Variants in RBFOX1 observed in about 807,000 individuals in gnomAD.
RBFOX1 encodes the protein RNA binding fox-1 homolog 1.
RBFOX1 carries 8 observed loss-of-function variants against 57.7 expected under a neutral mutation model. That is an observed-to-expected ratio of 0.14 (90% CI 0.08 to 0.25). The LOEUF is 0.25. Among genes scored for constraint, RBFOX1 ranks in the 10% least tolerant of loss-of-function variants. The pLI, the probability that RBFOX1 is intolerant of heterozygous loss-of-function variation, is 1.00. For missense variants in RBFOX1, 611 were observed against 548.5 expected, an observed-to-expected ratio of 1.11 and a Z score of -1.14; for synonymous variants, 326 against 222.4, an observed-to-expected ratio of 1.47 and a Z score of -4.15.
chr16:6,519,794 T>A (rs1032743869), intron 2 of RBFOX1, among the ~76,000 whole-genome samples: 1 of 152,204 alleles, frequency 6.6e-6, no homozygotes, highest in Non-Finnish European at 1.5e-5. Context: ...GTAGACACTT[T>A]CTTATTTAGT....
At chr16:6,713,128 A>C (rs2064040738) in intron 3 of RBFOX1, among the ~76,000 whole-genome samples, 1 of 151,944 alleles carries the variant, frequency 6.6e-6, no homozygotes. Flanking sequence ...GGTATTTCTT[A>C]CAGCAGTGTG....
At chr16:5,531,800 GTC>G (rs1165709461) in intron 2 of RBFOX1, among the ~76,000 whole-genome samples, 2 of 118,548 alleles carry the variant, frequency 1.7e-5, no homozygotes, top group South Asian at 3.4e-4. Flanking sequence ...ATGTCAAGAG[GTC>G]TTTTTTTTTT....
chr16:6,823,850 C>A (rs1232325825), intron 3 of RBFOX1, among the ~76,000 whole-genome samples: 2 of 152,086 alleles, frequency 1.3e-5, no homozygotes, highest in Admixed American at 6.6e-5. Flanking sequence ...ATAGAGGGCT[C>A]TGTGCTGTGG....
intron 1 of RBFOX1, among the ~76,000 whole-genome samples, chr16:6,253,591 A>G (rs2097639570): frequency 7.4e-6 from 1 of 134,956 alleles, no homozygotes; most frequent in East Asian, 2.5e-4. Context: ...ATGGTTGATG[A>G]TAGATAGATA....
chr16:7,431,560 T>C (rs1020282973), intron 4 of RBFOX1, among the ~76,000 whole-genome samples: 1 of 152,232 alleles, frequency 6.6e-6, no homozygotes, highest in Non-Finnish European at 1.5e-5. Flanking sequence ...ATATGTCTTT[T>C]ATTTTTAAAA....
Position 6,996,677 on chromosome 16 carries a change from G to C in RBFOX1, c.-15-55380G>C, listed in dbSNP as rs562863860. 7.9e-5 allele frequency among the ~76,000 whole-genome samples: 12 copies of C among 152,332 alleles called. No homozygotes were observed. In the South Asian group the frequency reaches 1.2e-3, roughly 16 times the overall value. On this transcript the variant is annotated intron_variant, in intron 3 of 15. Coordinates refer to ENST00000550418, the MANE Select transcript of RBFOX1 (RefSeq NM_018723.4). ...TAGTTTGTCTGAGGTCACAGAGGTAGTAAGTGGCAGGATTGGGATTCAATT... is the reference window on the plus strand; with the variant it reads ...TAGTTTGTCTGAGGTCACAGAGGTACTAAGTGGCAGGATTGGGATTCAATT...
rs1026582816 is a variant in RBFOX1, at chr16:6,019,362, A to G, written c.-757A>G. 3 of 984,972 alleles carry G rather than the reference A, an allele frequency of 3.0e-6. No homozygotes were observed. The highest frequency in any genetic ancestry group is 6.2e-5 in the Admixed American group (1 of 16,248). 61.0% of individuals were successfully genotyped at this position (984,972 alleles called of 1,614,324 possible). ...GCCTCCTCCAGCCAGAGTCGGTGGG[A>G]CTGGCTGCGCTGCCCTGAAGTGGTT... On this transcript the variant is annotated 5_prime_UTR_variant, in exon 1 of 16. Coordinates refer to ENST00000550418, the MANE Select transcript of RBFOX1 (RefSeq NM_018723.4). This position sits in a 1 kb window ranked among gnomAD's most constrained non-coding sequence, Gnocchi z 4.2.
intron 3 of RBFOX1, among the ~76,000 whole-genome samples, chr16:6,900,443 T>A (rs1487340531): frequency 1.3e-5 from 2 of 152,200 alleles, no homozygotes; most frequent in African/African-American, 4.8e-5. Context: ...CTCTCCCACT[T>A]AAAACTGTTT....
chr16:6,911,045 A>G (rs1262468792), intron 3 of RBFOX1, among the ~76,000 whole-genome samples: 3 of 152,152 alleles, frequency 2.0e-5, no homozygotes, highest in East Asian at 3.9e-4. Flanking sequence ...TACCAAAAAT[A>G]CAAAAATTAG....
At chr16:7,278,704 A>G (rs1229322963) in intron 4 of RBFOX1, among the ~76,000 whole-genome samples, 1 of 152,232 alleles carries the variant, frequency 6.6e-6, no homozygotes, top group African/African-American at 2.4e-5. Context: ...TTCAGTGAAA[A>G]CATATTACAA....
In RBFOX1 at chr16:7,661,516, G is replaced by A. The variant is rs181171511; in HGVS notation, c.891-3413G>A. 3.9e-5 allele frequency among the ~76,000 whole-genome samples: 6 copies of A among 152,252 alleles called. 1 individual carries two copies. Among genetic ancestry groups the A allele is most frequent in the African/African-American group, 7.2e-5 (3 of 41,552 alleles). On this transcript the variant is annotated intron_variant, in intron 12 of 15. Transcript: ENST00000550418. ...CTGTGCCATTTGCTTAGCCTCTCTCGTCTCTGCTGCTGGCCCTGCCTCCTT... is the reference window on the plus strand; with the variant it reads ...CTGTGCCATTTGCTTAGCCTCTCTCATCTCTGCTGCTGGCCCTGCCTCCTT...
chr16:5,293,111 A>C (rs990141981), intron 1 of RBFOX1, among the ~76,000 whole-genome samples: 1 of 151,894 alleles, frequency 6.6e-6, no homozygotes, highest in Non-Finnish European at 1.5e-5. Context: ...ATTTGAGGCC[A>C]GGAGTTCAAG....
intron 1 of RBFOX1, among the ~76,000 whole-genome samples, chr16:5,251,919 C>A (rs2062462096): frequency 6.6e-6 from 1 of 151,906 alleles, no homozygotes; most frequent in South Asian, 2.1e-4. Context: ...AGAAGTGGGG[C>A]TCCTAATAGG....
intron 3 of RBFOX1, among the ~76,000 whole-genome samples, chr16:6,890,976 C>T (rs571988264): frequency 1.3e-5 from 2 of 152,276 alleles, no homozygotes; most frequent in South Asian, 2.1e-4. Context: ...TGTGGAGTCA[C>T]CTGGTTCTTT....
At chr16:5,331,182 T>C (rs2064745392) in intron 1 of RBFOX1, among the ~76,000 whole-genome samples, 1 of 152,158 alleles carries the variant, frequency 6.6e-6, no homozygotes. Context: ...AAGCCTGGAA[T>C]TGGACATTGG....
intron 2 of RBFOX1, among the ~76,000 whole-genome samples, 191 bp from the exon 3 acceptor site, chr16:6,654,412 C>T (rs559266012): frequency 4.3e-4 from 66 of 152,274 alleles, no homozygotes; most frequent in African/African-American, 1.5e-3. Context: ...ATACATATGT[C>T]TCTAATGCAA....
intron 4 of RBFOX1, among the ~76,000 whole-genome samples, chr16:7,403,089 C>T (rs971380795): frequency 4.2e-4 from 64 of 152,200 alleles, no homozygotes; most frequent in South Asian, 8.3e-4. Context: ...TATTTTCCCC[C>T]GGCTCTATGG....
chr16:6,335,994 G>T (rs1454007730), intron 2 of RBFOX1, among the ~76,000 whole-genome samples: 3 of 149,608 alleles, frequency 2.0e-5, no homozygotes, highest in Non-Finnish European at 4.4e-5. Flanking sequence ...ATTCATAGTG[G>T]AATCAAGCCT....
Position 6,256,203 on chromosome 16 carries a change from G to GTATACGTATA in RBFOX1, c.-126-60788_-126-60787insCGTATATATA, listed in dbSNP as rs1555582379. Reference sequence around the variant, plus strand: ...TATATATACGTATATATATGTATATGTATATGTGTATATATATGTATATAT... The same window carrying GTATACGTATA: ...TATATATACGTATATATATGTATATGTATACGTATATATATGTGTATATATATGTATATAT... On this transcript the variant is annotated intron_variant, in intron 1 of 15. Transcript: ENST00000550418. 6.1e-4 allele frequency among the ~76,000 whole-genome samples: 25 copies of GTATACGTATA among 41,198 alleles called. No homozygotes were observed. The East Asian group carries it at 0.02, about 32-fold the overall frequency. 27.0% of individuals were successfully genotyped at this position (41,198 alleles called of 152,430 possible). A position where few individuals can be genotyped will look rare whatever the true frequency, so the allele number is the denominator to read the frequency against.
Sources: gnomAD v4.1 joint callset for allele counts (sites outside exome capture counted in the v4.1 genomes callset) on GRCh38, gnomAD v4.1.1 for gene constraint, Gnocchi (gnomAD v3.1) non-coding constraint, MANE v1.5 for transcripts, NCBI Gene and HGNC (gene_info 2026-07-23, HGNC 2026-07-21) for gene names.